Variants in SRPK2 observed in about 807,000 individuals in gnomAD.
SRPK2 encodes the protein SFRS protein kinase 2.
In SRPK2, 21 loss-of-function variants were observed where a neutral mutation model predicts 90.8. That is an observed-to-expected ratio of 0.23 (90% CI 0.16 to 0.33). The LOEUF is 0.33. Among genes scored for constraint, SRPK2 ranks in the 10% least tolerant of loss-of-function variants. The pLI, the probability that SRPK2 is intolerant of heterozygous loss-of-function variation, is 1.00. For missense variants in SRPK2, 620 were observed against 869.0 expected (o/e 0.71, Z 3.60); for synonymous variants, 288 against 311.1 (o/e 0.93, Z 0.78).
At chr7:105,333,277 G>T (rs1814663923) in intron 2 of SRPK2, among the ~76,000 whole-genome samples, 1 of 152,248 alleles carries the variant, frequency 6.6e-6, no homozygotes, top group South Asian at 2.1e-4. Flanking sequence ...TGTTACATTG[G>T]AAATTATAAC....
At chr7:105,218,510 G>A (rs574974929) in intron 2 of SRPK2, among the ~76,000 whole-genome samples, 2 of 152,250 alleles carry the variant, frequency 1.3e-5, no homozygotes, top group South Asian at 2.1e-4. Context: ...TGAGTTTATG[G>A]TCCAAACACA....
intron 2 of SRPK2, among the ~76,000 whole-genome samples, chr7:105,239,510 T>G (rs1460068209): frequency 6.6e-6 from 1 of 152,238 alleles, no homozygotes; most frequent in Non-Finnish European, 1.5e-5. Flanking sequence ...CATCTTTGTT[T>G]TCTCCTCCTG....
chr7:105,389,035 G>C (rs1231993805), upstream of SRPK2: 2 of 924,222 alleles, frequency 2.2e-6, no homozygotes, highest in Non-Finnish European at 2.5e-6. Context: ...CCCCAGCGCC[G>C]CGCGCCCAGC....
intron 2 of SRPK2, among the ~76,000 whole-genome samples, chr7:105,368,291 T>C (rs995927178): frequency 6.6e-6 from 1 of 152,162 alleles, no homozygotes; most frequent in Non-Finnish European, 1.5e-5. Flanking sequence ...GCATCTTCCA[T>C]CCCACTCTCA....
chr7:105,147,594 G>A (rs555298863), intron 7 of SRPK2, among the ~76,000 whole-genome samples: 1 of 152,214 alleles, frequency 6.6e-6, no homozygotes, highest in Admixed American at 6.5e-5. Flanking sequence ...TGGGATTACA[G>A]GCGTGAGCCA....
At chr7:105,336,512 C>A (rs796396144) in intron 2 of SRPK2, among the ~76,000 whole-genome samples, 4 of 152,214 alleles carry the variant, frequency 2.6e-5, no homozygotes, top group African/African-American at 9.6e-5. Flanking sequence ...TAGGGTATTA[C>A]CATCTTTTTA....
intron 7 of SRPK2, among the ~76,000 whole-genome samples, chr7:105,151,247 C>T (rs146539134): frequency 6.6e-6 from 1 of 152,178 alleles, no homozygotes; most frequent in Non-Finnish European, 1.5e-5. Flanking sequence ...AACAGGGCAG[C>T]GTTAAAAACA....
chr7:105,374,228 G>A (rs1820042063), intron 2 of SRPK2, among the ~76,000 whole-genome samples: 2 of 152,064 alleles, frequency 1.3e-5, no homozygotes, highest in Admixed American at 1.3e-4. Flanking sequence ...CGCCCAGCCA[G>A]TTTCTGCCAA....
chr7:105,176,557 A>ATGTGTG lies in SRPK2; in HGVS notation c.230-7298_230-7293dup, dbSNP rs10691783. On this transcript the variant is annotated intron_variant, in intron 3 of 15. Coordinates refer to ENST00000393651, the MANE Select transcript of SRPK2 (RefSeq NM_182692.3). ...CAGAGATGTATGTGGTTTTGCATATATGTGTGTGTGTGTGTGTGTGTGTAT... is the reference window on the plus strand; with the variant it reads ...CAGAGATGTATGTGGTTTTGCATATATGTGTGTGTGTGTGTGTGTGTGTGTGTGTAT... 7.0e-3 allele frequency among the ~76,000 whole-genome samples: 1,034 copies of ATGTGTG among 148,110 alleles called. 11 individuals carry two copies. The highest frequency in any genetic ancestry group is 0.02 in the African/African-American group (797 of 39,842).
intron 2 of SRPK2, among the ~76,000 whole-genome samples, chr7:105,350,295 C>A (rs1188593228): frequency 6.6e-6 from 1 of 150,892 alleles, no homozygotes; most frequent in Non-Finnish European, 1.5e-5. Flanking sequence ...CCAAGCCTGG[C>A]TAATTTTTGT....
intron 11 of SRPK2, among the ~76,000 whole-genome samples, chr7:105,136,950 G>T (rs938460817): frequency 6.6e-6 from 1 of 152,116 alleles, no homozygotes; most frequent in Non-Finnish European, 1.5e-5. Flanking sequence ...GAAAATATGG[G>T]CAATAAGGCA....
At chr7:105,154,248 GA>G (rs2129579890) in intron 7 of SRPK2, among the ~76,000 whole-genome samples, 1 of 152,332 alleles carries the variant, frequency 6.6e-6, no homozygotes, top group African/African-American at 2.4e-5. Context: ...AATGGCTCAG[GA>G]AAGCAGCTTA....
intron 2 of SRPK2, among the ~76,000 whole-genome samples, chr7:105,366,738 AT>A (rs1310709532): frequency 6.6e-6 from 1 of 152,234 alleles, no homozygotes; most frequent in African/African-American, 2.4e-5. Context: ...ATAAAAGAAT[AT>A]TTCACAAGAA....
intron 2 of SRPK2, among the ~76,000 whole-genome samples, chr7:105,317,776 T>C (rs543197696): frequency 6.6e-6 from 1 of 152,274 alleles, no homozygotes; most frequent in Non-Finnish European, 1.5e-5. Context: ...TTTGTTGCTG[T>C]TGTTGTTGAG....
chr7:105,219,293 C>A (rs552236763), intron 2 of SRPK2, among the ~76,000 whole-genome samples: 12 of 152,136 alleles, frequency 7.9e-5, no homozygotes, highest in African/African-American at 2.7e-4. Flanking sequence ...TAGAATCAGA[C>A]CAGGATCTTA....
chr7:105,201,074 G>C (rs1795490423), intron 3 of SRPK2, among the ~76,000 whole-genome samples: 1 of 152,180 alleles, frequency 6.6e-6, no homozygotes, highest in South Asian at 2.1e-4. Flanking sequence ...AGCTCAACCA[G>C]TCCTGGCAGA....
intron 2 of SRPK2, among the ~76,000 whole-genome samples, chr7:105,359,966 T>C (rs1489408920): frequency 6.6e-6 from 1 of 152,142 alleles, no homozygotes; most frequent in African/African-American, 2.4e-5. Flanking sequence ...CTGTCTAATA[T>C]TGACAGTGGG....
chr7:105,304,303 A>C (rs909567535), intron 2 of SRPK2: 9 of 152,232 alleles, frequency 5.9e-5, no homozygotes, highest in African/African-American at 2.2e-4. Context: ...TTATTCACCA[A>C]ACTCGGCACT....
At chr7:105,191,979 G>A (rs1794343818) in intron 3 of SRPK2, among the ~76,000 whole-genome samples, 1 of 151,044 alleles carries the variant, frequency 6.6e-6, no homozygotes, top group African/African-American at 2.4e-5. Flanking sequence ...CTCCCAGAGT[G>A]CTAGGATTAC....
Sources: allele counts gnomAD v4.1 joint callset (sites outside exome capture counted in the v4.1 genomes callset), GRCh38; gene constraint gnomAD v4.1.1; transcripts MANE v1.5; gene names NCBI Gene and HGNC (gene_info 2026-07-23, HGNC 2026-07-21).